Variants in DCC observed in about 807,000 individuals in gnomAD.
DCC encodes the protein netrin receptor DCC.
DCC carries 58 observed loss-of-function variants against 172.5 expected under a neutral mutation model. The observed-to-expected ratio is 0.34, with a 90% CI of 0.27 to 0.42. The LOEUF (loss-of-function observed/expected upper bound fraction) is 0.42. DCC is among the 10% of genes least tolerant of loss of function. The pLI is 1.00. For synonymous variants in DCC, 709 were observed against 644.5 expected (o/e 1.10, Z -1.52); for missense variants, 1,740 against 1,791.0 (o/e 0.97, Z 0.51).
chr18:52,370,981 G>A (rs1456563618), intron 1 of DCC, among the ~76,000 whole-genome samples: 1 of 152,186 alleles, frequency 6.6e-6, no homozygotes. Flanking sequence ...CAGAGAGCAT[G>A]CTAGAGGTTG....
chr18:52,451,603 G>A (rs1988307017), intron 1 of DCC, among the ~76,000 whole-genome samples: 1 of 152,128 alleles, frequency 6.6e-6, no homozygotes, highest in Admixed American at 6.6e-5. Context: ...CAGTGGTGCT[G>A]GTGTTTTATT....
At chr18:53,153,215 G>A (rs956015155) in intron 7 of DCC, among the ~76,000 whole-genome samples, 10 of 152,182 alleles carry the variant, frequency 6.6e-5, no homozygotes, top group African/African-American at 2.4e-4. Flanking sequence ...TTAATTATAT[G>A]TTTAAAAATA....
intron 1 of DCC, among the ~76,000 whole-genome samples, chr18:52,537,587 G>A (rs1242909120): frequency 6.6e-6 from 1 of 151,964 alleles, no homozygotes; most frequent in African/African-American, 2.4e-5. Context: ...ACAGTCCACA[G>A]CATGTACACA....
intron 2 of DCC, among the ~76,000 whole-genome samples, chr18:52,884,399 T>A (rs1036235727): frequency 2.6e-5 from 4 of 151,894 alleles, no homozygotes; most frequent in African/African-American, 7.3e-5. Context: ...CTTTTTTTTT[T>A]ATTTCCTCCA....
intron 1 of DCC, among the ~76,000 whole-genome samples, chr18:52,723,417 A>G (rs1181760044): frequency 6.6e-6 from 1 of 152,210 alleles, no homozygotes; most frequent in Non-Finnish European, 1.5e-5. Flanking sequence ...ATTGCAGATC[A>G]GTGAGGAGCC....
intron 5 of DCC, among the ~76,000 whole-genome samples, chr18:53,030,200 C>G (rs940578037): frequency 2.6e-5 from 4 of 152,220 alleles, no homozygotes; most frequent in African/African-American, 7.2e-5. Context: ...ATTATCCCCC[C>G]ATTCCACCCC....
chr18:52,413,111 T>C (rs1389742586), intron 1 of DCC, among the ~76,000 whole-genome samples: 1 of 124,170 alleles, frequency 8.1e-6, no homozygotes, highest in Non-Finnish European at 1.9e-5. Context: ...GGCTTATATG[T>C]TTTTTTTTCC....
At chr18:52,752,443 G>C in intron 2 of DCC, 69 bp downstream of exon 2, 2 of 1,221,724 alleles carry the variant, frequency 1.6e-6, no homozygotes, top group Middle Eastern at 1.9e-4. Flanking sequence ...TTGGGGATGA[G>C]AAAATAATTT....
intron 5 of DCC, among the ~76,000 whole-genome samples, chr18:52,960,201 T>C (rs2040820312): frequency 6.6e-6 from 1 of 152,180 alleles, no homozygotes; most frequent in Non-Finnish European, 1.5e-5. Flanking sequence ...GTTTTGTGTA[T>C]ATTACAAACC....
chr18:52,885,331 A>G (rs1598898215), intron 2 of DCC, among the ~76,000 whole-genome samples: 2 of 152,168 alleles, frequency 1.3e-5, no homozygotes, highest in African/African-American at 2.4e-5. Context: ...AATTTACTTG[A>G]TGTTCTCTTC....
intron 1 of DCC, among the ~76,000 whole-genome samples, chr18:52,723,115 CT>C (rs1431515900): frequency 6.6e-6 from 1 of 152,134 alleles, no homozygotes; most frequent in Non-Finnish European, 1.5e-5. Flanking sequence ...ATCGCTACCC[CT>C]CCCTCCCTTT....
At chr18:53,376,817 T>G (rs1312809831) in intron 15 of DCC, among the ~76,000 whole-genome samples, 4 of 152,148 alleles carry the variant, frequency 2.6e-5, no homozygotes, top group Non-Finnish European at 5.9e-5. Flanking sequence ...AATAACTTTA[T>G]CTCATTATCA....
intron 1 of DCC, among the ~76,000 whole-genome samples, chr18:52,511,314 C>CTAGGAGACCT (rs2031431917): frequency 6.7e-6 from 1 of 148,642 alleles, no homozygotes; most frequent in African/African-American, 2.5e-5. Flanking sequence ...AAAGAAAAAT[C>CTAGGAGACCT]TAGGAGACCT....
At chr18:52,748,722 T>C (rs2036947744) in intron 1 of DCC, among the ~76,000 whole-genome samples, 1 of 152,148 alleles carries the variant, frequency 6.6e-6, no homozygotes, top group East Asian at 1.9e-4. Flanking sequence ...GTTGCTTGGA[T>C]AACTGGAGAG....
At chr18:52,926,338 A>G (rs2040201921) in intron 5 of DCC, among the ~76,000 whole-genome samples, 1 of 151,896 alleles carries the variant, frequency 6.6e-6, no homozygotes, top group South Asian at 2.1e-4. Flanking sequence ...AATGTATATC[A>G]TGGGTTAGAT....
rs948726849 is a variant in DCC at position 53,171,682 on chromosome 18, C to T, written c.1419-7280C>T. On this transcript the variant is annotated intron_variant, in intron 8 of 28. Coordinates refer to ENST00000442544, the MANE Select transcript of DCC (RefSeq NM_005215.4). The stretch of plus-strand genomic sequence containing the variant: ...ACCTGGACATGTCCAGATTTTCTTG[C>T]GTCCCTTTCCTTTAAAGTATACCTG... 5.9e-5 allele frequency among the ~76,000 whole-genome samples: 9 copies of T among 152,056 alleles called. No homozygotes were observed. In the East Asian group the frequency reaches 1.5e-3, roughly 26 times the overall value.
chr18:53,059,884 G>A (rs930654151), intron 5 of DCC, among the ~76,000 whole-genome samples: 2 of 152,112 alleles, frequency 1.3e-5, no homozygotes, highest in African/African-American at 4.8e-5. Context: ...TAAGGATGAG[G>A]CATTGTACTA....
At chr18:53,394,374 A>G (rs1172500562) in intron 17 of DCC, among the ~76,000 whole-genome samples, 1 of 152,214 alleles carries the variant, frequency 6.6e-6, no homozygotes, top group Non-Finnish European at 1.5e-5. Flanking sequence ...GGCATCATCC[A>G]GGGATTTCCC....
intron 12 of DCC, among the ~76,000 whole-genome samples, chr18:53,258,446 T>C (rs922119982): frequency 1.3e-5 from 2 of 152,198 alleles, no homozygotes; most frequent in African/African-American, 2.4e-5. Context: ...AACATCTTTA[T>C]TTCTGCCTTC....
Sources: gnomAD v4.1 joint callset for allele counts (sites outside exome capture counted in the v4.1 genomes callset) on GRCh38, gnomAD v4.1.1 for gene constraint, MANE v1.5 for transcripts, NCBI Gene and HGNC (gene_info 2026-07-23, HGNC 2026-07-21) for gene names.